KCNAB2: variants seen among roughly 807,000 people sequenced by gnomAD.
The protein encoded by KCNAB2 is voltage-gated potassium channel subunit beta-2.
Under a neutral mutation model 63.6 loss-of-function variants are expected in KCNAB2, and 29 were observed. The observed-to-expected ratio is 0.46, with a 90% confidence interval of 0.34 to 0.62. The LOEUF is 0.62. KCNAB2 is among the 20% of genes least tolerant of loss of function. KCNAB2 has a pLI of 0.01. For missense variants in KCNAB2, 359 were observed against 563.9 expected (o/e 0.64, Z 3.68); for synonymous variants, 222 against 224.2 (o/e 0.99, Z 0.09).
rs758130104 is a variant in KCNAB2, at chr1:6,085,268, CG to C, written c.425+22del. ...ATGGAGGTAACGGCCCTGCTCTCTG[CG>C]GCCTGTCCCTGGGGTGGGTGCGGGC... On this transcript the variant is annotated intron_variant, in intron 6 of 15. Transcript: ENST00000378083. 1.9e-6 allele frequency: 3 copies of C among 1,611,200 alleles called. No individual in the cohort carries two copies. The South Asian group carries it at 3.3e-5, about 18-fold the overall frequency.
chr1:6,094,518 G>A (rs1207706114), intron 11 of KCNAB2, 33 bp downstream of exon 11: 13 of 1,562,090 alleles, frequency 8.3e-6, no homozygotes, highest in Non-Finnish European at 1.0e-5. Context: ...GTGTGTCCAG[G>A]CACAGACTCC....
upstream of KCNAB2, among the ~76,000 whole-genome samples, chr1:6,043,227 G>A (rs111244146): frequency 4.6e-5 from 7 of 152,304 alleles, no homozygotes; most frequent in African/African-American, 1.7e-4. Context: ...AAGGGGTGAG[G>A]TCTGATGAGC....
In KCNAB2 at chr1:6,100,074, C is replaced by T; in HGVS notation, c.*1500C>T. 6.1e-6 allele frequency: 9 copies of T among 1,465,020 alleles called. No homozygotes were observed. Among genetic ancestry groups the T allele is most frequent in the South Asian group, 1.4e-5 (1 of 69,924 alleles). The allele number at this position is 1,465,020 out of a possible 1,614,324, so 90.8% of individuals were successfully genotyped here. ...CAGGGCGCACCCTCAGTGCAGGCAC[C>T]TCTGTTCCCGCTTTGCCCCTGGAGG... On this transcript the variant is annotated 3_prime_UTR_variant, in exon 16 of 16. Transcript: ENST00000378083.
At chr1:6,041,857 A>T (rs765913380), upstream of KCNAB2, 4 of 1,613,964 alleles carry the variant, frequency 2.5e-6, no homozygotes, top group Admixed American at 6.7e-5. Flanking sequence ...CCCAAAAGAC[A>T]GCTCCAGTTT....
At chr1:6,068,547 A>G (rs772547432) in intron 2 of KCNAB2, among the ~76,000 whole-genome samples, 7 of 152,180 alleles carry the variant, frequency 4.6e-5, no homozygotes, top group African/African-American at 7.2e-5. Context: ...TGCTGCTGTC[A>G]CGGCGGGAGG....
rs763140697 is a variant in KCNAB2 at position 6,096,489 on chromosome 1, CA to C, written c.949-146del. On this transcript the variant is annotated intron_variant, in intron 13 of 15. Coordinates refer to ENST00000378083, the MANE Select transcript of KCNAB2 (RefSeq NM_001199862.2). This position sits in a 1 kb window ranked among gnomAD's most constrained non-coding sequence, Gnocchi z 5.9. ...TCTCCCCTACTTGAGAGGCCTGGGG[CA>C]GGGGCACTGCCCTGGCTTCAAGATG... 2.5e-4 allele frequency: 283 copies of C among 1,112,528 alleles called. No homozygotes were observed. The highest frequency in any genetic ancestry group is 3.4e-4 in the Non-Finnish European group (266 of 793,226). 68.9% of individuals were successfully genotyped at this position (1,112,528 alleles called of 1,614,324 possible).
chr1:6,094,988 T>C (rs1665497702), intron 11 of KCNAB2, among the ~76,000 whole-genome samples: 1 of 152,248 alleles, frequency 6.6e-6, no homozygotes, highest in Non-Finnish European at 1.5e-5. Context: ...AGCCCATTTT[T>C]CAGATGTGGA....
At chr1:6,022,992 C>T (rs891584944) in intron 1 of KCNAB2, among the ~76,000 whole-genome samples, 8 of 149,846 alleles carry the variant, frequency 5.3e-5, no homozygotes, top group Non-Finnish European at 1.2e-4. Context: ...AAGTGATTCT[C>T]ATGCCTCAGC....
chr1:6,037,872 C>CTT (rs1210270485), intron 1 of KCNAB2, among the ~76,000 whole-genome samples: 1,579 of 117,598 alleles, frequency 0.013, 40 homozygotes, highest in African/African-American at 0.034. Flanking sequence ...GAATGAGGGT[C>CTT]TTTTTTTTTT....
chr1:6,087,128 C>A lies in KCNAB2; in HGVS notation c.426-339C>A, dbSNP rs1664769296. On this transcript the variant is annotated intron_variant, in intron 6 of 15. Transcript: ENST00000378083. The surrounding 1 kb of genome is among the most constrained non-coding windows in gnomAD (Gnocchi z 6.4). ...TTCCTCTACCTGGATCAAATCCATG[C>A]ACCCCTCATAGTCCCTGAGCCAGGC... Among the ~76,000 whole-genome samples the A allele has an allele frequency of 1.3e-5, 2 of 152,120 alleles. No homozygotes were observed.
chr1:6,070,878 T>C (rs1043898159), intron 2 of KCNAB2, among the ~76,000 whole-genome samples: 2 of 152,188 alleles, frequency 1.3e-5, no homozygotes, highest in Non-Finnish European at 2.9e-5. Flanking sequence ...GGTGCGCCCC[T>C]TTCCTGAAAG....
At chr1:6,047,307 C>T (rs941252416) in intron 1 of KCNAB2, among the ~76,000 whole-genome samples, 18 of 152,328 alleles carry the variant, frequency 1.2e-4, no homozygotes, top group Admixed American at 3.3e-4. Flanking sequence ...AAGGACCTGA[C>T]GCTGCTAGAG....
At chr1:6,005,411 T>G (rs1302247503) in intron 1 of KCNAB2, among the ~76,000 whole-genome samples, 4 of 53,060 alleles carry the variant, frequency 7.5e-5, no homozygotes, top group Non-Finnish European at 1.4e-4. Context: ...AGCTGAGGGG[T>G]GGGGGTGGAG....
At position 6,096,347 on chromosome 1, in the gene KCNAB2, G is replaced by T; in HGVS notation, c.949-289G>T. 2.0e-6 allele frequency: 1 copy of T among 495,242 alleles called. No homozygotes were observed. The highest frequency in any genetic ancestry group is 3.7e-6 in the Non-Finnish European group (1 of 270,402). The allele number at this position is 495,242 out of a possible 1,614,324, so 30.7% of individuals were successfully genotyped here. A position where few individuals can be genotyped will look rare whatever the true frequency, so the allele number is the denominator to read the frequency against. ...CTGCCAAGTTTCCTAAGAGAAGGAA[G>T]GCCAGCACCTCGCCTCCTTGTCCTG... On this transcript the variant is annotated intron_variant, in intron 13 of 15. Coordinates refer to ENST00000378083, the MANE Select transcript of KCNAB2 (RefSeq NM_001199862.2). The surrounding 1 kb of genome is among the most constrained non-coding windows in gnomAD (Gnocchi z 5.9).
At chr1:6,067,803 G>A (rs1662879016) in intron 2 of KCNAB2, among the ~76,000 whole-genome samples, 2 of 152,196 alleles carry the variant, frequency 1.3e-5, no homozygotes, top group African/African-American at 2.4e-5. Context: ...ACTGAGGAGG[G>A]TGGATCACTT....
At position 6,058,710 on chromosome 1, in the gene KCNAB2, C is replaced by T. The variant is rs140020382; in HGVS notation, c.218+6956C>T. 2.1e-3 allele frequency among the ~76,000 whole-genome samples: 321 copies of T among 152,324 alleles called. 1 individual carries two copies. Among genetic ancestry groups the T allele is most frequent in the African/African-American group, 7.3e-3 (302 of 41,572 alleles). On this transcript the variant is annotated intron_variant, in intron 2 of 15. Coordinates refer to ENST00000378083, the MANE Select transcript of KCNAB2 (RefSeq NM_001199862.2). ...CACTTAGAGATGTAGTTCAGTGCCG[C>T]GCAGACAAGGGGCGGAGGCATCAGG...
At chr1:6,088,220 T>TTC (rs1220651305) in intron 7 of KCNAB2, among the ~76,000 whole-genome samples, 1 of 145,458 alleles carries the variant, frequency 6.9e-6, no homozygotes, top group Non-Finnish European at 1.5e-5. Context: ...TTTGTCCTTT[T>TTC]TCTCTCTCTC....
chr1:6,081,796 G>A (rs947692428), intron 4 of KCNAB2, among the ~76,000 whole-genome samples: 2 of 152,140 alleles, frequency 1.3e-5, no homozygotes, highest in African/African-American at 2.4e-5. Context: ...CCTCATCTTC[G>A]CTAATTACAT....
chr1:6,054,056 A>G (rs34612967), intron 2 of KCNAB2, among the ~76,000 whole-genome samples: 2,600 of 151,466 alleles, frequency 0.017, 32 homozygotes, highest in Non-Finnish European at 0.025. Context: ...AAAAAAAAAA[A>G]AAGAAGAAGA....
Sources: gnomAD v4.1 joint callset for allele counts (sites outside exome capture counted in the v4.1 genomes callset) on GRCh38, gnomAD v4.1.1 for gene constraint, Gnocchi (gnomAD v3.1) non-coding constraint, MANE v1.5 for transcripts, NCBI Gene and HGNC (gene_info 2026-07-23, HGNC 2026-07-21) for gene names.